The following C1QTNF6 variants were observed in gnomAD, a reference collection of about 807,000 sequenced individuals.
C1QTNF6 encodes C1q and TNF related 6.
A neutral mutation model predicts 20.7 loss-of-function variants in C1QTNF6; 17 were observed. The ratio of observed to expected loss-of-function variants is 0.82; its 90% CI spans 0.56 to 1.23. The LOEUF (loss-of-function observed/expected upper bound fraction) is 1.23. C1QTNF6 is among the 50% of genes most tolerant of loss of function. The probability of loss-of-function intolerance (pLI) is 0.00; values close to 1 mark genes in which losing one functional copy is unlikely to be tolerated. For synonymous variants in C1QTNF6, 130 were observed against 156.3 expected (o/e 0.83, Z 1.25); for missense variants, 329 against 389.7 (o/e 0.84, Z 1.31).
At chr22:37,188,427 C>T, upstream of C1QTNF6, 1 of 469,698 alleles carries the variant, frequency 2.1e-6, no homozygotes, top group Non-Finnish European at 3.8e-6. Context: ...CAGGGATTTC[C>T]TTTGCTTAAC....
At chr22:37,188,317 G>GGGGATGGAGGGAGAGAGGT, upstream of C1QTNF6, 4 of 955,774 alleles carry the variant, frequency 4.2e-6, no homozygotes, top group Non-Finnish European at 5.8e-6. Flanking sequence ...GGGAGAGAGG[G>GGGGATGGAGGGAGAGAGGT]CGGAGGGAGG....
chr22:37,196,381 T>C (rs1483190620), intron 1 of C1QTNF6: 1 of 152,196 alleles, frequency 6.6e-6, no homozygotes, highest in Non-Finnish European at 1.5e-5. Context: ...GAGACTCCTG[T>C]ATAAAGACTG....
upstream of C1QTNF6, among the ~76,000 whole-genome samples, chr22:37,188,677 A>C (rs1924599660): frequency 6.6e-6 from 1 of 152,250 alleles, no homozygotes; most frequent in Non-Finnish European, 1.5e-5. Context: ...CTCCAGGCAC[A>C]GGCTAGAATC....
chr22:37,190,655 T>C (rs1165923022), upstream of C1QTNF6: 1 of 148,808 alleles, frequency 6.7e-6, no homozygotes, highest in Non-Finnish European at 1.5e-5. Context: ...CCTTGTTAAA[T>C]AACCAGTTTC....
chr22:37,183,641 C>T (rs1029307410), intron 2 of C1QTNF6, among the ~76,000 whole-genome samples: 2 of 152,190 alleles, frequency 1.3e-5, no homozygotes, highest in African/African-American at 4.8e-5. Context: ...GTGTTTTCCA[C>T]AGGGGGGGAA....
upstream of C1QTNF6, among the ~76,000 whole-genome samples, chr22:37,192,214 A>G (rs1370094771): frequency 6.6e-6 from 1 of 152,198 alleles, no homozygotes; most frequent in Non-Finnish European, 1.5e-5. Context: ...TTCTTACCAA[A>G]AGCATATTCA....
chr22:37,187,216 G>A (rs991805148), intron 1 of C1QTNF6, among the ~76,000 whole-genome samples: 1 of 152,082 alleles, frequency 6.6e-6, no homozygotes, highest in Non-Finnish European at 1.5e-5. Context: ...TGCCCACCCT[G>A]GTTGGGTTCC....
At chr22:37,193,042 A>G (rs150586699), upstream of C1QTNF6, among the ~76,000 whole-genome samples, 688 of 152,240 alleles carry the variant, frequency 4.5e-3, 9 homozygotes, top group African/African-American at 0.015. Context: ...CTTATCTTTC[A>G]ATGGAGGGTG....
intron 1 of C1QTNF6, 46 bp downstream of exon 1, chr22:37,188,117 G>A (rs748382583): frequency 5.1e-6 from 8 of 1,572,928 alleles, no homozygotes; most frequent in African/African-American, 2.7e-5. Context: ...AGGAATTCCA[G>A]GCTCTGACCC....
chr22:37,185,625 G>C (rs377155104), intron 1 of C1QTNF6, 170 bp from the exon 2 acceptor site: 27 of 1,336,782 alleles, frequency 2.0e-5, no homozygotes, highest in Middle Eastern at 5.5e-4. Flanking sequence ...CCTCCACAGA[G>C]CAGCAAGTTC....
At chr22:37,189,623 G>T (rs1485710175), upstream of C1QTNF6, among the ~76,000 whole-genome samples, 1 of 152,194 alleles carries the variant, frequency 6.6e-6, no homozygotes, top group Non-Finnish European at 1.5e-5. Flanking sequence ...GTTTGGTGCA[G>T]AGAGGAACTG....
upstream of C1QTNF6, among the ~76,000 whole-genome samples, chr22:37,190,358 T>G (rs1007733852): frequency 2.0e-5 from 3 of 152,198 alleles, no homozygotes; most frequent in African/African-American, 4.8e-5. Flanking sequence ...TATCTTAGAT[T>G]AGATGTTTTA....
At chr22:37,185,511 C>A (rs570722788) in intron 1 of C1QTNF6, 56 bp from the exon 2 acceptor site, 2 of 1,491,484 alleles carry the variant, frequency 1.3e-6, no homozygotes, top group South Asian at 1.3e-5. Context: ...TACTATGTGC[C>A]GATGCCTGGG....
chr22:37,198,824 G>T (rs557634881), upstream of C1QTNF6, among the ~76,000 whole-genome samples: 1 of 109,152 alleles, frequency 9.2e-6, no homozygotes, highest in African/African-American at 3.6e-5. Context: ...CACACAAACC[G>T]GCTTCCTCCC....
At position 37,182,424 on chromosome 22, in the gene C1QTNF6, T is replaced by G; in HGVS notation, c.601A>C (p.Asn201His). 6.2e-7 allele frequency: 1 copy of G among 1,614,258 alleles called. No homozygotes were observed. The highest frequency in any genetic ancestry group is 8.5e-7 in the Non-Finnish European group (1 of 1,180,038). ...ATGTGCACGTACGTCTCCTTGTAAT[T>G]CCAGCTGTGCACATTGAGGCTGAAG... The part of the protein sequence containing the change: ...YFFSLNVHSW[N>H]YKETYVHIMH... Residue 201 changes from asparagine (N) to histidine (H), a missense_variant, in exon 3 of 3, where the codon AAT (asparagine) becomes CAT (histidine). Coordinates refer to ENST00000337843, the MANE Select transcript of C1QTNF6 (RefSeq NM_031910.4).
upstream of C1QTNF6, among the ~76,000 whole-genome samples, chr22:37,190,261 T>A (rs2145776916): frequency 6.6e-6 from 1 of 152,394 alleles, no homozygotes; most frequent in African/African-American, 2.4e-5. Context: ...AGTCTTATTA[T>A]ACTTGGCTTC....
At chr22:37,194,678 T>C (rs229538) in intron 2 of C1QTNF6, among the ~76,000 whole-genome samples, 43,741 of 152,072 alleles carry the variant, frequency 0.29, 7,116 homozygotes, top group East Asian at 0.58. Flanking sequence ...AAATTAACAT[T>C]TTCCATTCCA....
In C1QTNF6 at chr22:37,182,431, G is replaced by A. The variant is rs573817196; in HGVS notation, c.594C>T (p.His198=). ...RGIYFFSLNV[H]SWNYKETYVH... ...CGTACGTCTCCTTGTAATTCCAGCT[G>A]TGCACATTGAGGCTGAAGAAGTAGA... Residue 198 remains histidine (H), a synonymous_variant, in exon 3 of 3, where the codon CAC becomes CAT. Coordinates refer to ENST00000337843, the MANE Select transcript of C1QTNF6 (RefSeq NM_031910.4). 1.2e-6 allele frequency: 2 copies of A among 1,614,278 alleles called. No individual in the cohort carries two copies. The highest frequency in any genetic ancestry group is 1.7e-6 in the Non-Finnish European group (2 of 1,180,052).
At position 37,193,647 on chromosome 22, in the gene C1QTNF6, C is replaced by T. The variant is rs76542963; in HGVS notation, n.224+1734G>A. Among the ~76,000 whole-genome samples the T allele has an allele frequency of 5.1e-3, 781 of 151,706 alleles. 5 individuals are homozygous for T. The highest frequency in any genetic ancestry group is 0.018 in the African/African-American group (731 of 40,970). The stretch of plus-strand genomic sequence containing the variant: ...ACAGCCAATATTTCTGGCTTTTGAA[C>T]TTCACTAACAGTAACCTCCCAGGTG... On this transcript the variant is annotated intron_variant and non_coding_transcript_variant, in intron 2 of 4. Coordinates refer to the C1QTNF6 transcript ENST00000467564.
Sources: gnomAD v4.1 joint callset for allele counts (sites outside exome capture counted in the v4.1 genomes callset) on GRCh38, gnomAD v4.1.1 for gene constraint, MANE v1.5 for transcripts, NCBI Gene and HGNC (gene_info 2026-07-23, HGNC 2026-07-21) for gene names.